Variants in PBX1 observed in about 807,000 individuals in gnomAD.
The protein encoded by PBX1 is PBX homeobox 1, also known as pre-B-cell leukemia transcription factor 1.
A neutral mutation model predicts 53.4 loss-of-function variants in PBX1; 6 were observed. The observed-to-expected ratio is 0.11, with a 90% CI of 0.06 to 0.22. The LOEUF (loss-of-function observed/expected upper bound fraction) is 0.22, where lower values mean the gene tolerates loss of function less well. PBX1 is among the 10% of genes least tolerant of loss of function. The pLI, the probability that PBX1 is intolerant of heterozygous loss-of-function variation, is 1.00. For synonymous variants in PBX1, 204 were observed against 212.3 expected (o/e 0.96, Z 0.34); for missense variants, 251 against 551.4 (o/e 0.46, Z 5.46).
At chr1:164,690,116 T>G (rs555718211) in intron 2 of PBX1, among the ~76,000 whole-genome samples, 1 of 152,294 alleles carries the variant, frequency 6.6e-6, no homozygotes, top group East Asian at 1.9e-4. Flanking sequence ...ACCCTTCTGA[T>G]TACATGCATC....
chr1:164,632,483 G>A (rs1054684365), intron 2 of PBX1, among the ~76,000 whole-genome samples: 5 of 152,106 alleles, frequency 3.3e-5, no homozygotes, highest in African/African-American at 1.2e-4. Flanking sequence ...TTCTCCTGCT[G>A]GACACAGGAG....
At position 164,590,237 on chromosome 1, in the gene PBX1, G is replaced by A. The variant is rs557431278; in HGVS notation, c.265+26926G>A. The A allele has an allele frequency of 2.0e-5, 8 of 406,772 alleles. No individual in the cohort carries two copies. The East Asian group carries it at 5.8e-4, about 29-fold the overall frequency. 25.2% of individuals were successfully genotyped at this position (406,772 alleles called of 1,614,324 possible). On this transcript the variant is annotated intron_variant, in intron 2 of 8. Coordinates refer to ENST00000420696, the MANE Select transcript of PBX1 (RefSeq NM_002585.4). ...GAAAAAAAAAAAAGCTGGGGGTCAG[G>A]GAGCAGATAGAAGAAATACCTTGGC... is the stretch of plus-strand genomic sequence containing the variant.
intron 2 of PBX1, among the ~76,000 whole-genome samples, chr1:164,595,710 A>T (rs1655709233): frequency 1.3e-5 from 2 of 152,174 alleles, no homozygotes; most frequent in South Asian, 4.1e-4. Flanking sequence ...ATGATTATTG[A>T]CAGCCATTAT....
chr1:164,644,395 A>G (rs561500411), intron 2 of PBX1, among the ~76,000 whole-genome samples: 17 of 152,328 alleles, frequency 1.1e-4, no homozygotes, highest in Admixed American at 1.0e-3. Flanking sequence ...TCTTTGGAGC[A>G]GTCTATATTA....
chr1:164,596,427 C>T (rs967457919), intron 2 of PBX1, among the ~76,000 whole-genome samples: 1 of 152,230 alleles, frequency 6.6e-6, no homozygotes, highest in Non-Finnish European at 1.5e-5. Flanking sequence ...TTAGTTTCAA[C>T]CCATATATTT....
intron 2 of PBX1, among the ~76,000 whole-genome samples, chr1:164,726,413 A>G (rs1664702237): frequency 6.6e-6 from 1 of 152,218 alleles, no homozygotes; most frequent in Admixed American, 6.5e-5. Flanking sequence ...AGCCATGCAA[A>G]CAGTGATTAG....
At chr1:164,854,653 C>A (rs959088978), downstream of PBX1, among the ~76,000 whole-genome samples, 10 of 151,808 alleles carry the variant, frequency 6.6e-5, no homozygotes, top group Admixed American at 2.0e-4. Context: ...CTTAGGCAGA[C>A]TTCTGAGGTC....
intron 2 of PBX1, among the ~76,000 whole-genome samples, chr1:164,638,199 CGGCAGCGT>C (rs1392214167): frequency 1.3e-5 from 2 of 152,218 alleles, no homozygotes; most frequent in Non-Finnish European, 2.9e-5. Flanking sequence ...CTAGCAACAG[CGGCAGCGT>C]GGTCACTTGC....
At chr1:164,757,623 T>C (rs75257759) in intron 2 of PBX1, among the ~76,000 whole-genome samples, 1,982 of 152,342 alleles carry the variant, frequency 0.013, 19 homozygotes, top group Non-Finnish European at 0.02. Context: ...GTCAGTGTTT[T>C]CCATCTGCAG....
intron 1 of PBX1, 34 bp downstream of exon 1, chr1:164,560,047 GTTTT>G (rs141669515): frequency 0.15 from 200,103 of 1,313,384 alleles, 16,811 homozygotes; most frequent in Non-Finnish European, 0.17. Flanking sequence ...CTTTCTTGGG[GTTTT>G]TTGTTTTTCT....
At chr1:164,666,251 C>T (rs544806384) in intron 2 of PBX1, among the ~76,000 whole-genome samples, 58 of 152,326 alleles carry the variant, frequency 3.8e-4, no homozygotes, top group African/African-American at 1.3e-3. Context: ...AGCCCTTCTT[C>T]CCCAAAGCCT....
At chr1:164,877,401 G>A (rs912288951) in intron 2 of PBX1, among the ~76,000 whole-genome samples, 1 of 152,126 alleles carries the variant, frequency 6.6e-6, no homozygotes, top group Non-Finnish European at 1.5e-5. Context: ...AGTGGCTCAC[G>A]CCTGTAATCC....
At chr1:164,773,046 C>T (rs1333125437) in intron 2 of PBX1, 2 of 152,170 alleles carry the variant, frequency 1.3e-5, no homozygotes, top group Non-Finnish European at 2.9e-5. Flanking sequence ...GATTTTGGTT[C>T]CTTCTTGCAT....
intron 2 of PBX1, among the ~76,000 whole-genome samples, chr1:164,602,259 A>G (rs934258378): frequency 6.6e-6 from 1 of 152,056 alleles, no homozygotes; most frequent in Admixed American, 6.5e-5. Context: ...GATGACTAGA[A>G]AGGCTTGCTG....
chr1:164,629,240 AT>A (rs60117768), intron 2 of PBX1, among the ~76,000 whole-genome samples: 3,537 of 152,244 alleles, frequency 0.023, 151 homozygotes, highest in African/African-American at 0.082. Context: ...GAAAAAAAAA[AT>A]GTTAGTGTTA....
chr1:164,725,111 C>A (rs561150194), intron 2 of PBX1, among the ~76,000 whole-genome samples: 1 of 152,110 alleles, frequency 6.6e-6, no homozygotes, highest in African/African-American at 2.4e-5. Flanking sequence ...CCCCCACCCC[C>A]TTCCTGCATC....
chr1:164,800,321 A>AT (rs1375136455), intron 4 of PBX1, among the ~76,000 whole-genome samples: 1 of 152,212 alleles, frequency 6.6e-6, no homozygotes, highest in African/African-American at 2.4e-5. Flanking sequence ...AGTGCACTCA[A>AT]TTCAACAAAT....
In PBX1 at chr1:164,849,174, G is replaced by C; in HGVS notation, c.*2498G>C. On this transcript the variant is annotated 3_prime_UTR_variant, in exon 9 of 9. Transcript: ENST00000420696. ...GGGTTCTCTTGGAAACAAGAAGAGT[G>C]ACTCCAGATGTGGCCTGAATAATTG... 7.1e-7 allele frequency: 1 copy of C among 1,401,606 alleles called. No individual in the cohort carries two copies. The highest frequency in any genetic ancestry group is 2.0e-4 in the Middle Eastern group (1 of 5,070). 86.8% of individuals were successfully genotyped at this position (1,401,606 alleles called of 1,614,324 possible).
intron 2 of PBX1, among the ~76,000 whole-genome samples, chr1:164,633,383 C>T (rs1411465287): frequency 6.6e-6 from 1 of 152,228 alleles, no homozygotes; most frequent in African/African-American, 2.4e-5. Context: ...CTCCTGACCT[C>T]AGGTGTTCCA....
Sources: gnomAD v4.1 joint callset for allele counts (sites outside exome capture counted in the v4.1 genomes callset) on GRCh38, gnomAD v4.1.1 for gene constraint, MANE v1.5 for transcripts, NCBI Gene and HGNC (gene_info 2026-07-23, HGNC 2026-07-21) for gene names.